SACM1L: variants seen among roughly 807,000 people sequenced by gnomAD.
SACM1L encodes the protein phosphatidylinositol-3-phosphatase SAC1.
A neutral mutation model predicts 89.5 loss-of-function variants in SACM1L; 32 were observed. The observed-to-expected ratio is 0.36, with a 90% CI of 0.27 to 0.48. The LOEUF is 0.48. SACM1L is among the 20% of genes least tolerant of loss of function. The pLI is 0.99. For missense variants in SACM1L, 543 were observed against 708.5 expected (o/e 0.77, Z 2.65); for synonymous variants, 213 against 232.8 (o/e 0.92, Z 0.77).
intron 5 of SACM1L, among the ~76,000 whole-genome samples, chr3:45,710,813 G>T (rs1311174744): frequency 1.3e-5 from 2 of 152,084 alleles, no homozygotes; most frequent in Non-Finnish European, 2.9e-5. Context: ...ACTCTAATTT[G>T]GTAAAATTGT....
intron 11 of SACM1L, 26 bp downstream of exon 11, chr3:45,723,569 G>GA (rs34076210): frequency 1.0e-4 from 128 of 1,244,490 alleles, no homozygotes; most frequent in East Asian, 2.9e-4. Flanking sequence ...TTCTTGGGGG[G>GA]AAAAAAAAGC....
rs535981347 is a variant in SACM1L, at chr3:45,744,778, A to G, written c.*1109A>G. 3 of 152,788 alleles carry G rather than the reference A, an allele frequency of 2.0e-5. No individual in the cohort carries two copies. Among genetic ancestry groups the G allele is most frequent in the East Asian group, 1.9e-4 (1 of 5,190 alleles). The allele number at this position is 152,788 out of a possible 1,614,324, so 9.5% of individuals were successfully genotyped here. ...TAGTTCTAATTGTAAGTCAGATTGT[A>G]TATTCAAATTGTAATTAAGAGATTT... On this transcript the variant is annotated 3_prime_UTR_variant, in exon 20 of 20. Coordinates refer to ENST00000389061, the MANE Select transcript of SACM1L (RefSeq NM_014016.5).
At chr3:45,696,257 T>A (rs1698126033) in intron 1 of SACM1L, among the ~76,000 whole-genome samples, 1 of 152,136 alleles carries the variant, frequency 6.6e-6, no homozygotes, top group South Asian at 2.1e-4. Flanking sequence ...TCGTCCTCCC[T>A]GAGTGTTGGG....
In SACM1L at chr3:45,743,414, T is replaced by C. The variant is rs537612347; in HGVS notation, c.1628-119T>C. The C allele has an allele frequency of 4.8e-6, 5 of 1,046,064 alleles. No homozygotes were observed. In the East Asian group the frequency reaches 9.8e-5, roughly 21 times the overall value. 64.8% of individuals were successfully genotyped at this position (1,046,064 alleles called of 1,614,324 possible). On this transcript the variant is annotated intron_variant, in intron 19 of 19. Transcript: ENST00000389061. ...TTAAACCTTAATTAAGAGGTTCTTA[T>C]ATTTTTCCTGTGAATGTGCTAGTAA... is the stretch of plus-strand genomic sequence containing the variant.
At chr3:45,689,770 G>A in intron 1 of SACM1L, 1 of 582,486 alleles carries the variant, frequency 1.7e-6, no homozygotes, top group East Asian at 2.9e-5. Context: ...ACCGAGCCGG[G>A]GTCGGCGTTA....
At chr3:45,742,599 A>G (rs1047337145) in intron 19 of SACM1L, 4 of 152,260 alleles carry the variant, frequency 2.6e-5, no homozygotes, top group African/African-American at 4.8e-5. Flanking sequence ...CTTGCTGCTA[A>G]CCTTTATGAA....
chr3:45,691,863 T>C (rs544289871), intron 1 of SACM1L, among the ~76,000 whole-genome samples: 1 of 152,350 alleles, frequency 6.6e-6, no homozygotes, highest in African/African-American at 2.4e-5. Flanking sequence ...AATTTCACCT[T>C]TCTAATGCTC....
At chr3:45,715,599 C>T (rs955548065) in intron 7 of SACM1L, among the ~76,000 whole-genome samples, 2 of 152,048 alleles carry the variant, frequency 1.3e-5, no homozygotes, top group Non-Finnish European at 2.9e-5. Context: ...CATGGTGAAA[C>T]CCTGTCTCTA....
chr3:45,698,580 C>T (rs1036488868), intron 1 of SACM1L, among the ~76,000 whole-genome samples: 4 of 152,120 alleles, frequency 2.6e-5, no homozygotes, highest in African/African-American at 4.8e-5. Context: ...GACAAAGTCT[C>T]GCTCTTGTGC....
chr3:45,690,554 T>C (rs1343068742), intron 1 of SACM1L, among the ~76,000 whole-genome samples: 2 of 152,234 alleles, frequency 1.3e-5, no homozygotes, highest in African/African-American at 2.4e-5. Flanking sequence ...AGTAACTTTC[T>C]GAAAGGTTCA....
At chr3:45,734,113 AT>A (rs377501431) in intron 13 of SACM1L, among the ~76,000 whole-genome samples, 96 of 132,056 alleles carry the variant, frequency 7.3e-4, no homozygotes, top group Admixed American at 1.2e-3. Context: ...CCATTTAAGA[AT>A]TTTTTTTTTT....
chr3:45,726,791 T>C lies in SACM1L; in HGVS notation c.921+3248T>C, dbSNP rs139212277. ...TTGTTCCTTAAAGTGTAAAATTAGG[T>C]TATTGCTTTGAGGTTTTCTTTTTTA... On this transcript the variant is annotated intron_variant, in intron 11 of 19. Transcript: ENST00000389061. Among the ~76,000 whole-genome samples the C allele has an allele frequency of 1.1e-4, 16 of 152,242 alleles. No individual in the cohort carries two copies. In the East Asian group the frequency reaches 3.1e-3, roughly 29 times the overall value.
At chr3:45,703,400 C>T (rs746985236) in intron 1 of SACM1L, 38 bp from the exon 2 acceptor site, 2 of 1,368,904 alleles carry the variant, frequency 1.5e-6, no homozygotes, top group Non-Finnish European at 2.1e-6. Flanking sequence ...GTCTTCATTT[C>T]ATTTGGTTAG....
rs147864076 is a variant in SACM1L at position 45,691,367 on chromosome 3, T to C, written c.32+1870T>C. The stretch of plus-strand genomic sequence containing the variant: ...TCCTTCCTTTTGGCCCTTCCTGCTC[T>C]GAGGCTGCTGTTGAAGGTTTTCAAA... On this transcript the variant is annotated intron_variant, in intron 1 of 19. Transcript: ENST00000389061. 4.2e-3 allele frequency among the ~76,000 whole-genome samples: 633 copies of C among 152,346 alleles called. 1 individual carries two copies. The highest frequency in any genetic ancestry group is 6.8e-3 in the Middle Eastern group (2 of 294).
intron 14 of SACM1L, among the ~76,000 whole-genome samples, chr3:45,736,529 T>C (rs564724919): frequency 2.0e-5 from 3 of 152,124 alleles, no homozygotes; most frequent in Non-Finnish European, 4.4e-5. Flanking sequence ...GAATGAATTG[T>C]TCTTGAATCT....
At position 45,743,634 on chromosome 3, in the gene SACM1L, G is replaced by T. The variant is rs558613899; in HGVS notation, c.1729G>T (p.Ala577Ser). The T allele has an allele frequency of 2.4e-4, 386 of 1,613,820 alleles. 1 individual carries two copies. In the Middle Eastern group the frequency reaches 9.2e-3, roughly 39 times the overall value. The change falls in exon 20 of 20, where the codon GCT becomes TCT. Residue 577 changes from alanine to serine, a missense_variant. Physicochemically the swap from Ala to Ser is moderately conservative, Grantham distance 99. Around this residue, in one of 2 missense-constraint regions of SACM1L, gnomAD observed 370 missense variants for 527.6 expected, o/e 0.70. Coordinates refer to ENST00000389061, the MANE Select transcript of SACM1L (RefSeq NM_014016.5). ...TTACAATGGCAAAGATTTTGTCGAT[G>T]CTCCCAGACTGGTCCAGAAAGAAAA... ...ILYNGKDFVDAPRLVQKEKID is the reference protein window; with the variant it reads ...ILYNGKDFVDSPRLVQKEKID
chr3:45,736,224 A>C (rs541174480), intron 14 of SACM1L, among the ~76,000 whole-genome samples: 1 of 152,082 alleles, frequency 6.6e-6, no homozygotes, highest in Non-Finnish European at 1.5e-5. Context: ...GTTTCTATTT[A>C]TCTCTCTCTT....
Position 45,732,063 on chromosome 3 carries a change from T to C in SACM1L, c.1012T>C (p.Phe338Leu). The C allele has an allele frequency of 1.3e-6, 2 of 1,586,078 alleles. No individual in the cohort carries two copies. The highest frequency in any genetic ancestry group is 1.7e-6 in the Non-Finnish European group (2 of 1,167,854). The change falls in exon 13 of 20, where the codon TTT becomes CTT. Residue 338 changes from phenylalanine (F) to leucine (L), a missense_variant. Transcript: ENST00000389061. ...LGSGMMRYIA[F>L]DFHKECKNMR... ...CTTTTCTTTTGGTAGATACATTGCC[T>C]TTGACTTCCATAAGGAATGTAAAAA...
In SACM1L at chr3:45,706,883, A is replaced by G; in HGVS notation, c.309A>G (p.Thr103=). Reference sequence around the variant, plus strand: ...TTGATGTCCTTTCTTATAAGAAGACAATGTTGCACTTAACTGATATTCAGG... The same window carrying G: ...TTGATGTCCTTTCTTATAAGAAGACGATGTTGCACTTAACTGATATTCAGG... ...TDFDVLSYKK[T]MLHLTDIQLQ... The change falls in exon 4 of 20, where the codon ACA becomes ACG. Residue 103 remains threonine (T), a synonymous_variant. Transcript: ENST00000389061. 1 of 1,613,274 alleles carries G rather than the reference A, an allele frequency of 6.2e-7. No individual in the cohort carries two copies. The highest frequency in any genetic ancestry group is 8.5e-7 in the Non-Finnish European group (1 of 1,179,568).
Sources: gnomAD v4.1 joint callset for allele counts (sites outside exome capture counted in the v4.1 genomes callset) on GRCh38, gnomAD v4.1.1 for gene constraint, gnomAD v4.1.1 regional missense constraint, MANE v1.5 for transcripts, NCBI Gene and HGNC (gene_info 2026-07-23, HGNC 2026-07-21) for gene names.